LDB2: variants seen among roughly 807,000 people sequenced by gnomAD.
LDB2 encodes the protein LIM domain binding 2, also known as LIM domain-binding protein 2.
LDB2 carries 12 observed loss-of-function variants against 44.3 expected under a neutral mutation model. That is an observed-to-expected ratio of 0.27 (90% confidence interval 0.17 to 0.44). The LOEUF (loss-of-function observed/expected upper bound fraction) is 0.44, where lower values mean the gene tolerates loss of function less well. Ranked by LOEUF, LDB2 falls within the 20% of genes least tolerant of loss-of-function variation. The probability of loss-of-function intolerance (pLI) is 1.00; values close to 1 mark genes in which losing one functional copy is unlikely to be tolerated. For missense variants in LDB2, 344 were observed against 473.5 expected (o/e 0.73, Z 2.54); for synonymous variants, 164 against 174.8 (o/e 0.94, Z 0.49).
chr4:16,678,607 A>G (rs745782695), intron 2 of LDB2, among the ~76,000 whole-genome samples: 52 of 152,196 alleles, frequency 3.4e-4, no homozygotes, highest in Admixed American at 3.4e-3. Context: ...GGAATCAGCT[A>G]TTTGATAAAT....
At chr4:16,658,958 C>T (rs1296353419) in intron 2 of LDB2, among the ~76,000 whole-genome samples, 1 of 152,180 alleles carries the variant, frequency 6.6e-6, no homozygotes, top group Admixed American at 6.6e-5. Context: ...ATTACAGATA[C>T]TAGGCCAAGT....
chr4:16,698,267 A>G (rs901463374), intron 2 of LDB2, among the ~76,000 whole-genome samples: 1 of 152,220 alleles, frequency 6.6e-6, no homozygotes, highest in Admixed American at 6.5e-5. Flanking sequence ...TCAATACTGC[A>G]TTAGTAAAGA....
chr4:16,515,634 A>T (rs998511254), intron 5 of LDB2, among the ~76,000 whole-genome samples: 19 of 152,242 alleles, frequency 1.2e-4, no homozygotes, highest in African/African-American at 4.6e-4. Flanking sequence ...AAAGCTTCAG[A>T]GAAATCCTAA....
intron 2 of LDB2, among the ~76,000 whole-genome samples, chr4:16,747,014 C>A (rs1764530687): frequency 6.6e-6 from 1 of 152,100 alleles, no homozygotes; most frequent in Admixed American, 6.6e-5. Context: ...AATGATGCTG[C>A]AAACATCTAA....
At chr4:16,637,299 ATTTTTTTTTT>A (rs34484721) in intron 2 of LDB2, among the ~76,000 whole-genome samples, 33 of 85,504 alleles carry the variant, frequency 3.9e-4, no homozygotes, top group African/African-American at 1.5e-3. Context: ...GCCTAGGCTG[ATTTTTTTTTT>A]TTTTTTTTTT....
At chr4:16,769,557 A>C (rs1334114327) in intron 1 of LDB2, among the ~76,000 whole-genome samples, 3 of 151,238 alleles carry the variant, frequency 2.0e-5, no homozygotes, top group Non-Finnish European at 4.4e-5. Context: ...CAGCCTCCCA[A>C]AGTGCTGGGA....
rs186376814 is a variant in LDB2, at chr4:16,510,040, G to A, written c.740-1354C>T. On this transcript the variant is annotated intron_variant, in intron 6 of 7. Coordinates refer to ENST00000304523, the MANE Select transcript of LDB2 (RefSeq NM_001290.5). Reference sequence around the variant, plus strand: ...TGAGGTGTGAGAATCACCTGAGCCCGGAAGTCGAGGCTGCAGTAAGCTATG... The same window carrying A: ...TGAGGTGTGAGAATCACCTGAGCCCAGAAGTCGAGGCTGCAGTAAGCTATG... 3.3e-3 allele frequency among the ~76,000 whole-genome samples: 507 copies of A among 152,226 alleles called. 3 individuals are homozygous for A. Among genetic ancestry groups the A allele is most frequent in the African/African-American group, 5.6e-3 (234 of 41,546 alleles).
At chr4:16,702,050 A>T (rs186049022) in intron 2 of LDB2, among the ~76,000 whole-genome samples, 46 of 152,288 alleles carry the variant, frequency 3.0e-4, no homozygotes, top group Admixed American at 2.7e-3. Context: ...TTCTTGTCTT[A>T]AAAAAGAAAG....
chr4:16,833,263 A>G (rs1186569900), intron 1 of LDB2, among the ~76,000 whole-genome samples: 1 of 152,218 alleles, frequency 6.6e-6, no homozygotes, highest in African/African-American at 2.4e-5. Flanking sequence ...AAGGACTTTA[A>G]GATGAGATAT....
chr4:16,631,054 G>A (rs1419537453), intron 2 of LDB2, among the ~76,000 whole-genome samples: 2 of 152,108 alleles, frequency 1.3e-5, no homozygotes, highest in Non-Finnish European at 2.9e-5. Context: ...GGATATCCAG[G>A]ACTTGAACTC....
intron 1 of LDB2, among the ~76,000 whole-genome samples, chr4:16,784,453 C>T (rs1023719005): frequency 6.6e-6 from 1 of 152,164 alleles, no homozygotes; most frequent in Non-Finnish European, 1.5e-5. Context: ...ACCATCTCTT[C>T]CCAGGGGCTC....
chr4:16,519,465 C>T (rs1725142540), intron 5 of LDB2, among the ~76,000 whole-genome samples: 1 of 151,986 alleles, frequency 6.6e-6, no homozygotes, highest in African/African-American at 2.4e-5. Context: ...GTTTACCTCT[C>T]TGAATATCAG....
chr4:16,659,775 A>T (rs748074502), intron 2 of LDB2, among the ~76,000 whole-genome samples: 3 of 151,774 alleles, frequency 2.0e-5, no homozygotes, highest in Non-Finnish European at 2.9e-5. Context: ...GAAGACAAAG[A>T]AAACAGAATT....
chr4:16,863,554 G>A (rs1713468712), intron 1 of LDB2, among the ~76,000 whole-genome samples: 1 of 152,066 alleles, frequency 6.6e-6, no homozygotes, highest in Admixed American at 6.5e-5. Flanking sequence ...CCCTCTGCAA[G>A]GAGCTGGAGC....
intron 2 of LDB2, among the ~76,000 whole-genome samples, chr4:16,627,902 C>T (rs773738883): frequency 2.6e-5 from 4 of 152,186 alleles, no homozygotes; most frequent in Non-Finnish European, 5.9e-5. Context: ...CTGGCCTGAA[C>T]ACCTGGCCAC....
chr4:16,722,485 G>C lies in LDB2; in HGVS notation c.235+36673C>G, dbSNP rs752668419. 3.0e-4 allele frequency among the ~76,000 whole-genome samples: 46 copies of C among 152,178 alleles called. 1 individual carries two copies. The highest frequency in any genetic ancestry group is 2.1e-4 in the South Asian group (1 of 4,818). ...TACAATATAGCAAAATATCTATTAAGCAGATATTTTTAAAGGGCTAGCCTC... is the reference window on the plus strand; with the variant it reads ...TACAATATAGCAAAATATCTATTAACCAGATATTTTTAAAGGGCTAGCCTC... On this transcript the variant is annotated intron_variant, in intron 2 of 7. Coordinates refer to ENST00000304523, the MANE Select transcript of LDB2 (RefSeq NM_001290.5).
At chr4:16,518,817 TAAA>T (rs1399096078) in intron 5 of LDB2, among the ~76,000 whole-genome samples, 6 of 152,236 alleles carry the variant, frequency 3.9e-5, no homozygotes, top group African/African-American at 1.4e-4. Flanking sequence ...AGTTTTGCAT[TAAA>T]AAGGTATCAG....
intron 2 of LDB2, among the ~76,000 whole-genome samples, chr4:16,732,171 G>A (rs377261381): frequency 3.9e-5 from 6 of 152,126 alleles, no homozygotes; most frequent in African/African-American, 9.7e-5. Context: ...CAAGACACCC[G>A]GCTTTATGAT....
intron 1 of LDB2, among the ~76,000 whole-genome samples, chr4:16,816,407 C>CTTTTTTTTTTTTTTTTTTT (rs1171864969): frequency 8.3e-5 from 10 of 121,018 alleles, no homozygotes; most frequent in Admixed American, 1.7e-4. Flanking sequence ...CTTTTTCTTT[C>CTTTTTTTTTTTTTTTTTTT]TTTTTTTTTT....
Sources: gnomAD v4.1 joint callset for allele counts (sites outside exome capture counted in the v4.1 genomes callset) on GRCh38, gnomAD v4.1.1 for gene constraint, MANE v1.5 for transcripts, NCBI Gene and HGNC (gene_info 2026-07-23, HGNC 2026-07-21) for gene names.